STARD3: variants seen among roughly 807,000 people sequenced by gnomAD.
STARD3 encodes the protein stAR-related lipid transfer protein 3.
In STARD3, 39 loss-of-function variants were observed where a neutral mutation model predicts 62.0. The observed-to-expected ratio is 0.63, with a 90% CI of 0.49 to 0.82. The LOEUF is 0.82. Ranked by LOEUF, STARD3 falls within the 40% of genes least tolerant of loss-of-function variation. STARD3 has a pLI of 0.00. For synonymous variants in STARD3, 229 were observed against 242.4 expected (o/e 0.94, Z 0.51); for missense variants, 543 against 584.5 (o/e 0.93, Z 0.73).
rs76970874 is a variant in STARD3 at position 39,649,531 on chromosome 17, C to T, written c.-51-3950C>T. On this transcript the variant is annotated intron_variant, in intron 1 of 14. Coordinates refer to ENST00000336308, the MANE Select transcript of STARD3 (RefSeq NM_006804.4). Reference sequence around the variant, plus strand: ...TAGTGAAAAAATAACAAGCAAGAGCCCATCTGTAGTAAGCTACTGTCCATG... The same window carrying T: ...TAGTGAAAAAATAACAAGCAAGAGCTCATCTGTAGTAAGCTACTGTCCATG... 4.6e-5 allele frequency among the ~76,000 whole-genome samples: 7 copies of T among 152,192 alleles called. No homozygotes were observed. In the East Asian group the frequency reaches 1.3e-3, roughly 29 times the overall value.
At chr17:39,651,873 TCTGA>T (rs1293940604) in intron 1 of STARD3, 1 of 152,314 alleles carries the variant, frequency 6.6e-6, no homozygotes, top group Non-Finnish European at 1.5e-5. Flanking sequence ...CGGCTTCCTC[TCTGA>T]CTTTCAGTGG....
intron 1 of STARD3, among the ~76,000 whole-genome samples, chr17:39,649,822 C>T (rs184895952): frequency 2.4e-3 from 349 of 145,698 alleles, no homozygotes; most frequent in African/African-American, 8.2e-3. Flanking sequence ...GCTGGGATCG[C>T]GCCACTGCAC....
chr17:39,659,325 AC>A, intron 8 of STARD3, 135 bp from the exon 9 acceptor site: 1 of 1,012,038 alleles, frequency 9.9e-7, no homozygotes, highest in Non-Finnish European at 1.5e-6. Context: ...GCCCAGGGAG[AC>A]CAGCCCAGAT....
In STARD3 at chr17:39,653,636, C is replaced by T. The variant is rs1478314504; in HGVS notation, c.105C>T (p.His35=). ...SLSHSQSLSS[H]LLPPPEKRRA... is the part of the protein sequence containing the mutation. ...CCCACAGCCAGAGCCTCTCCTCGCA[C>T]CTCCTTCCGCCGCCTGAGAAGCGAA... Residue 35 remains histidine (H), a synonymous_variant, in exon 2 of 15, where the codon CAC becomes CAT. Transcript: ENST00000336308. The T allele has an allele frequency of 6.2e-7, 1 of 1,614,002 alleles. No homozygotes were observed.
intron 5 of STARD3, 106 bp downstream of exon 5, chr17:39,658,132 GT>G: frequency 7.9e-7 from 1 of 1,273,342 alleles, no homozygotes; most frequent in Non-Finnish European, 1.1e-6. Flanking sequence ...TGTTGTCCGG[GT>G]TAGGGGGAGA....
chr17:39,658,268 A>T (rs1489703211), intron 5 of STARD3, 137 bp from the exon 6 acceptor site: 1 of 873,298 alleles, frequency 1.1e-6, no homozygotes, highest in Non-Finnish European at 1.8e-6. Context: ...CCTGCTGCAG[A>T]CTTGAGAGGG....
chr17:39,654,355 T>C (rs1289762478), intron 2 of STARD3, among the ~76,000 whole-genome samples: 1 of 152,090 alleles, frequency 6.6e-6, no homozygotes, highest in East Asian at 1.9e-4. Context: ...TGACCCATGA[T>C]TGCACCACTG....
Position 39,660,779 on chromosome 17 carries a change from T to C in STARD3, c.955-31T>C. The C allele has an allele frequency of 2.6e-6, 4 of 1,549,726 alleles. No individual in the cohort carries two copies. Among genetic ancestry groups the C allele is most frequent in the Non-Finnish European group, 3.5e-6 (4 of 1,148,394 alleles). On this transcript the variant is annotated intron_variant, in intron 11 of 14. Coordinates refer to ENST00000336308, the MANE Select transcript of STARD3 (RefSeq NM_006804.4). This position sits in a 1 kb window ranked among gnomAD's most constrained non-coding sequence, Gnocchi z 4.8. ...TCCCTGGGGTTTTCCTGGGGCGACC[T>C]GTTCCAAAAGTCTCCGTTGACGGCC...
At chr17:39,645,691 C>T (rs2144921451) in intron 1 of STARD3, among the ~76,000 whole-genome samples, 1 of 152,114 alleles carries the variant, frequency 6.6e-6, no homozygotes, top group South Asian at 2.1e-4. Flanking sequence ...AGGCTGGCCT[C>T]AAACTCCTGA....
chr17:39,662,258 A>T lies in STARD3; in HGVS notation c.1147A>T (p.Asn383Tyr). ...TGATGCCTCTTTCCATAGGGGAGAG[A>T]ATGGCCCTGGGGGCTTCATCGTGCT... ...PPTHKYVRGE[N>Y]GPGGFIVLKS... The change falls in exon 14 of 15, where the codon AAT becomes TAT. Residue 383 changes from asparagine to tyrosine, a missense_variant. Transcript: ENST00000336308. 6.2e-7 allele frequency: 1 copy of T among 1,613,552 alleles called. No homozygotes were observed.
At chr17:39,652,118 C>T (rs1410612715) in intron 1 of STARD3, among the ~76,000 whole-genome samples, 1 of 152,140 alleles carries the variant, frequency 6.6e-6, no homozygotes, top group East Asian at 1.9e-4. Flanking sequence ...CCGTCCCTGC[C>T]CTGAGTGGAC....
At position 39,662,177 on chromosome 17, in the gene STARD3, G is replaced by A. The variant is rs1418919421; in HGVS notation, c.1140-74G>A. ...CAGCTGGGCCAAGAATGGAGTGTGA[G>A]TGGTAGGGGCTGCGGGGGGGTGTCA... is the stretch of plus-strand genomic sequence containing the variant. On this transcript the variant is annotated intron_variant, in intron 13 of 14. Transcript: ENST00000336308. 3.7e-6 allele frequency: 5 copies of A among 1,343,948 alleles called. No individual in the cohort carries two copies. In the East Asian group the frequency reaches 7.1e-5, roughly 19 times the overall value. 83.3% of individuals were successfully genotyped at this position (1,343,948 alleles called of 1,614,324 possible).
chr17:39,654,532 C>A (rs1178800454), intron 2 of STARD3, among the ~76,000 whole-genome samples: 1 of 151,114 alleles, frequency 6.6e-6, no homozygotes, highest in African/African-American at 2.4e-5. Flanking sequence ...CCACCCCACG[C>A]AGTGCTTGGC....
At chr17:39,657,628 C>T (rs1389874952) in intron 3 of STARD3, 147 bp from the exon 4 acceptor site, 2 of 794,780 alleles carry the variant, frequency 2.5e-6, no homozygotes, top group African/African-American at 1.7e-5. Flanking sequence ...CAAATTGTCC[C>T]AGAGACATGC....
chr17:39,656,796 T>A, intron 2 of STARD3: 1 of 566,796 alleles, frequency 1.8e-6, no homozygotes, highest in South Asian at 2.1e-5. Context: ...CGGGGCGGCC[T>A]GGATCCTTAG....
intron 1 of STARD3, among the ~76,000 whole-genome samples, chr17:39,645,871 G>C (rs2057021249): frequency 6.8e-6 from 1 of 146,754 alleles, no homozygotes; most frequent in Non-Finnish European, 1.5e-5. Context: ...TGTGACATAG[G>C]GATTCTTGCC....
chr17:39,658,824 AG>A lies in STARD3; in HGVS notation c.646+7del. The A allele has an allele frequency of 6.2e-7, 1 of 1,613,706 alleles. No individual in the cohort carries two copies. Among genetic ancestry groups the A allele is most frequent in the Non-Finnish European group, 8.5e-7 (1 of 1,179,854 alleles). The stretch of plus-strand genomic sequence containing the variant: ...TCACCCCCAGAATCCTTTGCAGGTG[AG>A]GGCTGGTGTGTGGGGGAACTGCTTT... On this transcript the variant is annotated splice_donor_5th_base_variant and intron_variant, in intron 7 of 14. Coordinates refer to ENST00000336308, the MANE Select transcript of STARD3 (RefSeq NM_006804.4).
chr17:39,662,433 C>T, intron 14 of STARD3, 89 bp downstream of exon 14: 1 of 1,276,262 alleles, frequency 7.8e-7, no homozygotes, highest in Admixed American at 2.0e-5. Context: ...TGGGGGCTCT[C>T]TGCCATGCCT....
rs370944234 is a variant in STARD3 at position 39,657,825 on chromosome 17, G to T, written c.348G>T (p.Leu116=). Reference sequence around the variant, plus strand: ...GACTGCTCCTAGGCTATGCCGTGCTGCGGCTCCGGCACTGGTGGGTGATTG... The same window carrying T: ...GACTGCTCCTAGGCTATGCCGTGCTTCGGCTCCGGCACTGGTGGGTGATTG... The part of the protein sequence containing the change: ...FSGLLLGYAV[L]RLRHWWVIAV... Residue 116 remains leucine, a synonymous_variant, in exon 4 of 15, where the codon CTG becomes CTT. Transcript: ENST00000336308. 6.2e-7 allele frequency: 1 copy of T among 1,614,220 alleles called. No homozygotes were observed. The highest frequency in any genetic ancestry group is 1.7e-5 in the Admixed American group (1 of 60,030).
Sources: gnomAD v4.1 joint callset for allele counts (sites outside exome capture counted in the v4.1 genomes callset) on GRCh38, gnomAD v4.1.1 for gene constraint, Gnocchi (gnomAD v3.1) non-coding constraint, MANE v1.5 for transcripts, NCBI Gene and HGNC (gene_info 2026-07-23, HGNC 2026-07-21) for gene names.